NSL1: variants seen among roughly 807,000 people sequenced by gnomAD.
NSL1 encodes kinetochore-associated protein NSL1 homolog.
NSL1 carries 11 observed loss-of-function variants against 25.4 expected under a neutral mutation model. That is an observed-to-expected ratio of 0.43 (90% CI 0.27 to 0.72). The LOEUF is 0.72. Ranked by LOEUF, NSL1 falls within the 30% of genes least tolerant of loss-of-function variation. The pLI, the probability that NSL1 is intolerant of heterozygous loss-of-function variation, is 0.19. For synonymous variants in NSL1, 118 were observed against 120.6 expected (o/e 0.98, Z 0.14); for missense variants, 330 against 342.7 (o/e 0.96, Z 0.29).
chr1:212,779,978 C>A (rs1476801514), intron 4 of NSL1, among the ~76,000 whole-genome samples: 47 of 151,894 alleles, frequency 3.1e-4, no homozygotes, highest in African/African-American at 1.1e-3. Context: ...CCCCTCTGCC[C>A]GGCCGCCACC....
intron 4 of NSL1, among the ~76,000 whole-genome samples, chr1:212,741,009 T>A (rs1465161193): frequency 6.6e-6 from 1 of 152,152 alleles, no homozygotes; most frequent in African/African-American, 2.4e-5. Flanking sequence ...ATTACCTACA[T>A]TCAAAATGGA....
At chr1:212,782,310 C>T in intron 4 of NSL1, 62 bp downstream of exon 4, 1 of 1,164,076 alleles carries the variant, frequency 8.6e-7, no homozygotes, top group Non-Finnish European at 1.3e-6. Context: ...AGAAGAATAT[C>T]AGAAACCCAT....
At chr1:212,761,621 G>GA (rs1659568870) in intron 4 of NSL1, among the ~76,000 whole-genome samples, 1 of 151,686 alleles carries the variant, frequency 6.6e-6, no homozygotes, top group Admixed American at 6.6e-5. Context: ...GACCCTGTCT[G>GA]AAAAAATAAA....
intron 4 of NSL1, among the ~76,000 whole-genome samples, chr1:212,757,206 GGTGAGATGGTAA>G (rs1406837797): frequency 1.3e-5 from 2 of 152,134 alleles, no homozygotes; most frequent in African/African-American, 4.8e-5. Flanking sequence ...AGTAAGCGAG[GGTGAGATGGTAA>G]GTGAACACTG....
intron 4 of NSL1, among the ~76,000 whole-genome samples, chr1:212,762,767 T>G (rs139949924): frequency 3.3e-5 from 5 of 152,148 alleles, no homozygotes; most frequent in Admixed American, 3.3e-4. Context: ...AATACAAAAG[T>G]AGACGCAGCA....
intron 4 of NSL1, among the ~76,000 whole-genome samples, chr1:212,774,447 A>T (rs6661720): frequency 2.6e-5 from 4 of 152,014 alleles, no homozygotes; most frequent in Non-Finnish European, 2.9e-5. Context: ...ATATCTGATA[A>T]GGGACTAGCG....
At chr1:212,788,506 A>C (rs1378323163) in intron 1 of NSL1, among the ~76,000 whole-genome samples, 2 of 152,250 alleles carry the variant, frequency 1.3e-5, no homozygotes, top group Non-Finnish European at 2.9e-5. Flanking sequence ...TTCATAATAC[A>C]TTAAAAGATA....
intron 4 of NSL1, among the ~76,000 whole-genome samples, chr1:212,750,966 T>C (rs1659043101): frequency 6.6e-6 from 1 of 151,910 alleles, no homozygotes; most frequent in Non-Finnish European, 1.5e-5. Flanking sequence ...AATAAAGCAA[T>C]TATTGTTCCA....
intron 2 of NSL1, among the ~76,000 whole-genome samples, chr1:212,785,262 C>G (rs1459915667): frequency 1.3e-5 from 2 of 152,028 alleles, no homozygotes; most frequent in Admixed American, 6.5e-5. Flanking sequence ...GCTAACTCTA[C>G]TTTATCATAT....
At position 212,739,527 on chromosome 1, in the gene NSL1, CT is replaced by C; in HGVS notation, c.567+6del. On this transcript the variant is annotated splice_donor_region_variant and intron_variant, in intron 5 of 5. Coordinates refer to ENST00000366977, the MANE Select transcript of NSL1 (RefSeq NM_015471.4). ...ATTTGATAATTTTTTTAGCACATAG[CT>C]TTTACCTTCATGGCTTCACTGATCT... 3 of 1,612,898 alleles carry C rather than the reference CT, an allele frequency of 1.9e-6. No homozygotes were observed. The highest frequency in any genetic ancestry group is 2.5e-6 in the Non-Finnish European group (3 of 1,179,416).
intron 4 of NSL1, chr1:212,763,919 A>G (rs570276809): frequency 3.2e-4 from 89 of 276,758 alleles, no homozygotes; most frequent in South Asian, 2.9e-3. Flanking sequence ...TATATCCTAG[A>G]ACAAATGAAC....
chr1:212,738,766 AT>A (rs72163165), intron 5 of NSL1, 80 bp from the exon 6 acceptor site: 273,830 of 932,336 alleles, frequency 0.29, 13,063 homozygotes, highest in African/African-American at 0.47. Flanking sequence ...CAGTACTCTA[AT>A]TTTTTTTTTT....
rs922889783 is a variant in NSL1 at position 212,728,251 on chromosome 1, TAA to T, written c.*10155_*10156del. The T allele has an allele frequency of 1.5e-5, 14 of 962,416 alleles. No individual in the cohort carries two copies. In the African/African-American group the frequency reaches 2.5e-4, roughly 17 times the overall value. 59.6% of individuals were successfully genotyped at this position (962,416 alleles called of 1,614,324 possible). A position where few individuals can be genotyped will look rare whatever the true frequency, so the allele number is the denominator to read the frequency against. On this transcript the variant is annotated 3_prime_UTR_variant, in exon 6 of 6. Transcript: ENST00000366977. ...TTATATTGATATTACCTTCAGCAAA[TAA>T]GTTGATAACATTATATATGTAAACA...
intron 4 of NSL1, among the ~76,000 whole-genome samples, chr1:212,747,006 A>G (rs1658825902): frequency 6.6e-6 from 1 of 152,074 alleles, no homozygotes; most frequent in Non-Finnish European, 1.5e-5. Context: ...TTAGCCAGGC[A>G]TGGAGGTGTG....
chr1:212,742,247 TATA>T (rs1211294453), intron 4 of NSL1, among the ~76,000 whole-genome samples: 2 of 152,192 alleles, frequency 1.3e-5, no homozygotes, highest in African/African-American at 4.8e-5. Flanking sequence ...TGTGCCTACT[TATA>T]ATGAGTAAGC....
chr1:212,758,149 G>A (rs1659397630), intron 4 of NSL1, among the ~76,000 whole-genome samples: 2 of 152,158 alleles, frequency 1.3e-5, no homozygotes, highest in African/African-American at 4.8e-5. Flanking sequence ...TATTTTCAGT[G>A]TGAAATAAAT....
intron 3 of NSL1, among the ~76,000 whole-genome samples, chr1:212,783,032 T>G (rs754391318): frequency 2.6e-5 from 4 of 152,164 alleles, no homozygotes; most frequent in Non-Finnish European, 5.9e-5. Context: ...TTCAGCCAGC[T>G]GTGGTGACTC....
At chr1:212,765,825 A>C (rs543872811) in intron 4 of NSL1, among the ~76,000 whole-genome samples, 30 of 151,364 alleles carry the variant, frequency 2.0e-4, no homozygotes, top group African/African-American at 7.0e-4. Context: ...AACAAAAAAA[A>C]CAGCATCTCT....
intron 4 of NSL1, among the ~76,000 whole-genome samples, chr1:212,748,370 C>T (rs1658905903): frequency 6.6e-6 from 1 of 152,088 alleles, no homozygotes; most frequent in Admixed American, 6.5e-5. Flanking sequence ...CCCAAAAATT[C>T]TATTTCTAGA....
Sources: allele counts gnomAD v4.1 joint callset (sites outside exome capture counted in the v4.1 genomes callset), GRCh38; gene constraint gnomAD v4.1.1; transcripts MANE v1.5; gene names NCBI Gene and HGNC (gene_info 2026-07-23, HGNC 2026-07-21).